Variants in NAV2 observed in about 807,000 individuals in gnomAD.
The protein encoded by NAV2 is helicase, APC down-regulated 1.
Under a neutral mutation model 223.2 loss-of-function variants are expected in NAV2, and 54 were observed. The observed-to-expected ratio is 0.24, with a 90% CI of 0.19 to 0.30. The LOEUF is 0.30. Among genes scored for constraint, NAV2 ranks in the 10% least tolerant of loss-of-function variants. NAV2 has a pLI of 1.00. For missense variants in NAV2, 2,806 were observed against 3,147.5 expected (o/e 0.89, Z 2.60); for synonymous variants, 1,279 against 1,239.3 (o/e 1.03, Z -0.67).
intron 1 of NAV2, among the ~76,000 whole-genome samples, chr11:19,791,379 G>A (rs1412051694): frequency 6.6e-6 from 1 of 152,100 alleles, no homozygotes; most frequent in African/African-American, 2.4e-5. Context: ...AATCTGCTGG[G>A]GCCTCTGAAC....
chr11:19,938,558 T>C (rs1014094458), intron 7 of NAV2, among the ~76,000 whole-genome samples: 15 of 152,260 alleles, frequency 9.9e-5, no homozygotes, highest in African/African-American at 3.4e-4. Context: ...GTTGAACTAA[T>C]TTTAAAACTT....
chr11:19,690,790 C>T (rs138539192), intron 1 of NAV2, among the ~76,000 whole-genome samples: 25 of 152,322 alleles, frequency 1.6e-4, no homozygotes, highest in African/African-American at 5.8e-4. Flanking sequence ...TTCTTCTAGT[C>T]CAGGTTCTTC....
chr11:20,106,181 GTGTATATATATATATA>G (rs1243951736), intron 35 of NAV2, among the ~76,000 whole-genome samples: 5 of 14,898 alleles, frequency 3.4e-4, no homozygotes, highest in African/African-American at 7.4e-4. Context: ...ATATATGTGT[GTGTATATATATATATA>G]TATATATATA....
intron 1 of NAV2, among the ~76,000 whole-genome samples, chr11:19,627,789 C>T (rs73422457): frequency 0.014 from 2,056 of 151,906 alleles, 47 homozygotes; most frequent in African/African-American, 0.047. Flanking sequence ...GGTTGGGCCC[C>T]GCCTGCAAAG....
intron 12 of NAV2, among the ~76,000 whole-genome samples, chr11:20,042,023 C>T (rs964674853): frequency 6.6e-6 from 1 of 152,118 alleles, no homozygotes; most frequent in Non-Finnish European, 1.5e-5. Flanking sequence ...TTCACTGGAT[C>T]GTAAGCTCCA....
intron 1 of NAV2, among the ~76,000 whole-genome samples, chr11:19,609,798 G>T (rs921783213): frequency 3.9e-5 from 6 of 152,200 alleles, no homozygotes; most frequent in Admixed American, 6.5e-5. Context: ...TACACTCAAA[G>T]CTTGAGAGGA....
intron 1 of NAV2, among the ~76,000 whole-genome samples, chr11:19,403,249 C>T (rs922644057): frequency 5.9e-5 from 9 of 152,164 alleles, no homozygotes; most frequent in Non-Finnish European, 1.3e-4. Flanking sequence ...CAGGCCCTTG[C>T]TGGGTGCTTC....
rs139053524 is a variant in NAV2, at chr11:19,451,115, C to T, written c.75+100088C>T. 7.2e-5 allele frequency among the ~76,000 whole-genome samples: 11 copies of T among 152,238 alleles called. No homozygotes were observed. In the East Asian group the frequency reaches 2.1e-3, roughly 29 times the overall value. On this transcript the variant is annotated intron_variant, in intron 1 of 37. Transcript: ENST00000360655. ...TTAGCTGTCCCCAGGTTAACTCCAC[C>T]CTGGGTCACATAGTATGAAAGAAGC... is the stretch of plus-strand genomic sequence containing the variant.
At chr11:20,092,871 A>T (rs2060950050) in intron 28 of NAV2, among the ~76,000 whole-genome samples, 1 of 152,112 alleles carries the variant, frequency 6.6e-6, no homozygotes, top group South Asian at 2.1e-4. Context: ...TCTCCCTCGC[A>T]CTTCCATCCG....
At chr11:20,080,878 A>G (rs1443568664) in intron 25 of NAV2, among the ~76,000 whole-genome samples, 1 of 152,220 alleles carries the variant, frequency 6.6e-6, no homozygotes, top group Non-Finnish European at 1.5e-5. Flanking sequence ...CCACTCTCCC[A>G]GAAAAATTCC....
chr11:19,933,944 C>T lies in NAV2; in HGVS notation c.1700C>T (p.Pro567Leu), dbSNP rs144761679. The change falls in exon 7 of 38, where the codon CCA becomes CTA. Residue 567 changes from proline (P) to leucine (L), a missense_variant. This residue lies in a region of NAV2 where 1,167 missense variants were observed against 1,180.5 expected (regional missense o/e 0.99). Coordinates refer to ENST00000349880, the MANE Select transcript of NAV2 (RefSeq NM_145117.5). The surrounding 1 kb of genome is among the most constrained non-coding windows in gnomAD (Gnocchi z 4.3). ...MAPSHSGIPKPGMKSMPGKSP... is the reference protein window; with the variant it reads ...MAPSHSGIPKLGMKSMPGKSP... ...CCTTCCCACAGTGGAATACCAAAAC[C>T]AGGAATGAAAAGCATGCCCGGGAAA... The T allele has an allele frequency of 2.4e-5, 39 of 1,595,808 alleles. No homozygotes were observed. In the African/African-American group the frequency reaches 4.7e-4, roughly 19 times the overall value.
intron 1 of NAV2, among the ~76,000 whole-genome samples, chr11:19,740,584 A>AATAAAC (rs1166472526): frequency 6.6e-6 from 1 of 152,206 alleles, no homozygotes; most frequent in African/African-American, 2.4e-5. Flanking sequence ...TAAAAATAAA[A>AATAAAC]ATAAAAAGAA....
At chr11:20,030,830 A>G (rs1364853924) in intron 11 of NAV2, among the ~76,000 whole-genome samples, 2 of 152,236 alleles carry the variant, frequency 1.3e-5, no homozygotes, top group Non-Finnish European at 2.9e-5. Flanking sequence ...TAAAAAATCA[A>G]TAGTCATTTA....
intron 1 of NAV2, among the ~76,000 whole-genome samples, chr11:19,663,840 T>C (rs1236991629): frequency 1.3e-5 from 2 of 152,206 alleles, no homozygotes; most frequent in African/African-American, 2.4e-5. Context: ...ATATCTTCGA[T>C]GTTAAGAGTA....
chr11:19,533,308 T>A (rs1025606186), intron 1 of NAV2, among the ~76,000 whole-genome samples: 1 of 152,190 alleles, frequency 6.6e-6, no homozygotes, highest in South Asian at 2.1e-4. Flanking sequence ...CTCTACCTAC[T>A]AGATGCCATT....
intron 11 of NAV2, among the ~76,000 whole-genome samples, chr11:20,003,796 G>T (rs1419915834): frequency 6.6e-6 from 1 of 152,184 alleles, no homozygotes; most frequent in African/African-American, 2.4e-5. Flanking sequence ...AAGAGCTGGG[G>T]ATGAGAACAA....
rs188011575 is a variant in NAV2, at chr11:19,867,404, A to G, written c.439-1521A>G. Among the ~76,000 whole-genome samples, 77 of 152,298 alleles carry G rather than the reference A, an allele frequency of 5.1e-4. 1 individual carries two copies. In the East Asian group the frequency reaches 0.015, roughly 29 times the overall value. On this transcript the variant is annotated intron_variant, in intron 3 of 37. Coordinates refer to ENST00000349880, the MANE Select transcript of NAV2 (RefSeq NM_145117.5). ...GTCAGAAATCTGACCTCCTTACTTC[A>G]CTTTCTCTATCACATAATATTTGCT...
At chr11:19,608,346 G>A (rs2046537267) in intron 1 of NAV2, among the ~76,000 whole-genome samples, 2 of 152,238 alleles carry the variant, frequency 1.3e-5, no homozygotes, top group Non-Finnish European at 2.9e-5. Flanking sequence ...GATGCCAGCT[G>A]AAGCCCAGCA....
chr11:20,077,232 C>T (rs566529436), intron 22 of NAV2, among the ~76,000 whole-genome samples: 4 of 152,022 alleles, frequency 2.6e-5, no homozygotes, highest in East Asian at 1.9e-4. Flanking sequence ...CGTGAAAGTA[C>T]GAGCCGAGAG....
Sources: allele counts gnomAD v4.1 joint callset (sites outside exome capture counted in the v4.1 genomes callset), GRCh38; gene constraint gnomAD v4.1.1; regional missense constraint gnomAD v4.1.1; non-coding constraint Gnocchi (gnomAD v3.1); transcripts MANE v1.5; gene names NCBI Gene and HGNC (gene_info 2026-07-23, HGNC 2026-07-21).